The following COP1 variants were observed in gnomAD, a reference collection of about 807,000 sequenced individuals.
COP1 encodes COP1 E3 ubiquitin ligase, also known as E3 ubiquitin-protein ligase COP1.
A neutral mutation model predicts 101.3 loss-of-function variants in COP1; 24 were observed. That is an observed-to-expected ratio of 0.24 (90% CI 0.17 to 0.33). COP1 has a LOEUF of 0.33. COP1 is among the 10% of genes least tolerant of loss of function. COP1 has a pLI of 1.00. For missense variants in COP1, 663 were observed against 906.2 expected, an observed-to-expected ratio of 0.73 and a Z score of 3.45; for synonymous variants, 347 against 341.9, an observed-to-expected ratio of 1.01 and a Z score of -0.17.
At chr1:176,159,085 C>A (rs1022557030) in intron 5 of COP1, among the ~76,000 whole-genome samples, 4 of 152,074 alleles carry the variant, frequency 2.6e-5, no homozygotes, top group African/African-American at 9.7e-5. Flanking sequence ...AATGGAATCA[C>A]CTAAAATCAT....
intron 14 of COP1, among the ~76,000 whole-genome samples, chr1:176,039,539 C>A (rs956942797): frequency 7.3e-5 from 11 of 151,038 alleles, no homozygotes; most frequent in Non-Finnish European, 2.9e-5. Flanking sequence ...ATCAATAAGG[C>A]TCAATTCAAT....
At chr1:176,206,287 C>CCA (rs1700842044) in intron 1 of COP1, 1 of 445,240 alleles carries the variant, frequency 2.2e-6, no homozygotes, top group East Asian at 4.3e-5. Context: ...ATTTGACCTT[C>CCA]CACCTCTTCC....
At chr1:175,953,741 A>G (rs2148499739) in intron 18 of COP1, among the ~76,000 whole-genome samples, 1 of 150,522 alleles carries the variant, frequency 6.6e-6, no homozygotes, top group East Asian at 2.0e-4. Flanking sequence ...CAGGTATTTC[A>G]TAATTAAATA....
chr1:176,161,268 T>C (rs983673091), intron 5 of COP1, among the ~76,000 whole-genome samples: 1 of 152,136 alleles, frequency 6.6e-6, no homozygotes, highest in Non-Finnish European at 1.5e-5. Flanking sequence ...GGGAGCAAGG[T>C]AACTGCGTAT....
intron 15 of COP1, among the ~76,000 whole-genome samples, chr1:176,003,733 A>C (rs1182910456): frequency 6.6e-6 from 1 of 151,832 alleles, no homozygotes; most frequent in East Asian, 1.9e-4. Flanking sequence ...TACCAGTACC[A>C]TGCTGTTTTG....
chr1:176,087,243 C>G (rs1680379424), intron 9 of COP1, among the ~76,000 whole-genome samples: 1 of 152,102 alleles, frequency 6.6e-6, no homozygotes, highest in African/African-American at 2.4e-5. Flanking sequence ...GCAACAAAAG[C>G]CAAAATTGAC....
chr1:176,169,226 C>T (rs1215219823), intron 3 of COP1, among the ~76,000 whole-genome samples: 1 of 152,160 alleles, frequency 6.6e-6, no homozygotes, highest in African/African-American at 2.4e-5. Flanking sequence ...ATCAATGCCA[C>T]TTAAACTACT....
At chr1:176,185,417 A>G (rs1242657190) in intron 1 of COP1, among the ~76,000 whole-genome samples, 2 of 152,140 alleles carry the variant, frequency 1.3e-5, no homozygotes, top group African/African-American at 4.8e-5. Context: ...TTAAATACCA[A>G]TTGTAATCCT....
intron 5 of COP1, among the ~76,000 whole-genome samples, chr1:176,154,935 T>C (rs1224680743): frequency 1.3e-5 from 2 of 152,104 alleles, no homozygotes; most frequent in African/African-American, 4.8e-5. Context: ...TAATAGAAAA[T>C]TTTAAATAGA....
Position 175,964,391 on chromosome 1 carries a change from AAAGG to A in COP1, c.2134-17156_2134-17153del, listed in dbSNP as rs553434689. 1.7e-3 allele frequency among the ~76,000 whole-genome samples: 256 copies of A among 148,914 alleles called. 2 individuals are homozygous for A. The highest frequency in any genetic ancestry group is 1.9e-4 in the Non-Finnish European group (13 of 67,202). ...TTCTCCCCTAAAACAACTTCATGAC[AAAGG>A]AAGGTAAGTTCCTTGAAAATTTTAC... On this transcript the variant is annotated intron_variant, in intron 18 of 19. Transcript: ENST00000367669.
chr1:176,081,236 T>C lies in COP1; in HGVS notation c.1193A>G (p.Lys398Arg), dbSNP rs766634588. 8 of 1,610,372 alleles carry C rather than the reference T, an allele frequency of 5.0e-6. 1 individual carries two copies. In the African/African-American group the frequency reaches 6.7e-5, roughly 13 times the overall value. Residue 398 changes from lysine to arginine, a missense_variant, in exon 11 of 20, where the codon AAG becomes AGG. Lys to Arg is a conservative substitution (Grantham distance 26). Coordinates refer to ENST00000367669, the MANE Select transcript of COP1 (RefSeq NM_022457.7). Reference sequence around the variant, plus strand: ...TCGTACTGAATTATATCGAGTAAACTTGGACAAGCATTCCTGAAATTCATC... The same window carrying C: ...TCGTACTGAATTATATCGAGTAAACCTGGACAAGCATTCCTGAAATTCATC... ...QLDEFQECLS[K>R]FTRYNSVRPL...
intron 15 of COP1, among the ~76,000 whole-genome samples, chr1:175,997,445 A>G (rs910504524): frequency 5.9e-5 from 9 of 152,116 alleles, no homozygotes; most frequent in Non-Finnish European, 8.8e-5. Context: ...AGAAACTACC[A>G]TCAGAGTGAA....
At chr1:175,981,364 C>T (rs909208703) in intron 18 of COP1, among the ~76,000 whole-genome samples, 4 of 152,028 alleles carry the variant, frequency 2.6e-5, no homozygotes, top group Non-Finnish European at 5.9e-5. Context: ...TTTCTCTCTG[C>T]CTTCTTTCAA....
chr1:175,964,559 A>C (rs78700901), intron 18 of COP1, among the ~76,000 whole-genome samples: 2 of 152,214 alleles, frequency 1.3e-5, no homozygotes, highest in African/African-American at 4.8e-5. Flanking sequence ...ACTGCAGCTG[A>C]GATGGCTAGC....
chr1:175,966,417 C>T (rs1237760897), intron 18 of COP1, among the ~76,000 whole-genome samples: 2 of 152,170 alleles, frequency 1.3e-5, no homozygotes, highest in East Asian at 3.8e-4. Context: ...ATCTGCATGG[C>T]AACCCAATGA....
intron 1 of COP1, among the ~76,000 whole-genome samples, chr1:176,193,827 G>A (rs1164811676): frequency 6.6e-6 from 1 of 152,132 alleles, no homozygotes; most frequent in East Asian, 1.9e-4. Context: ...CGGGTACAGA[G>A]TTTCTTTAGG....
At chr1:176,144,280 G>C (rs977253522) in intron 6 of COP1, among the ~76,000 whole-genome samples, 2 of 151,924 alleles carry the variant, frequency 1.3e-5, no homozygotes, top group African/African-American at 4.8e-5. Flanking sequence ...AAATCTCCAT[G>C]TAAAACCCAC....
intron 11 of COP1, among the ~76,000 whole-genome samples, chr1:176,058,424 GA>G (rs963803982): frequency 1.4e-3 from 216 of 152,172 alleles, no homozygotes; most frequent in Non-Finnish European, 2.6e-3. Context: ...TCTGTACTAA[GA>G]AAAATTCTTA....
chr1:176,064,087 T>C (rs963220088), intron 11 of COP1, among the ~76,000 whole-genome samples: 1 of 152,204 alleles, frequency 6.6e-6, no homozygotes, highest in Admixed American at 6.5e-5. Context: ...AAAAACCATC[T>C]GTACCTGACG....
Sources: gnomAD v4.1 joint callset for allele counts (sites outside exome capture counted in the v4.1 genomes callset) on GRCh38, gnomAD v4.1.1 for gene constraint, MANE v1.5 for transcripts, NCBI Gene and HGNC (gene_info 2026-07-23, HGNC 2026-07-21) for gene names.